The following DGCR2 variants were observed in gnomAD, a reference collection of about 807,000 sequenced individuals.
DGCR2 encodes the protein integral membrane protein DGCR2/IDD.
A neutral mutation model predicts 51.6 loss-of-function variants in DGCR2; 24 were observed. That is an observed-to-expected ratio of 0.47 (90% confidence interval 0.34 to 0.65). The LOEUF is 0.65. Among genes scored for constraint, DGCR2 ranks in the 30% least tolerant of loss-of-function variants. The pLI is 0.01. For missense variants in DGCR2, 765 were observed against 772.1 expected (o/e 0.99, Z 0.11); for synonymous variants, 340 against 315.4 (o/e 1.08, Z -0.82).
At position 19,122,196 on chromosome 22, in the gene DGCR2, T is replaced by C. The variant is rs773185885; in HGVS notation, c.11A>G (p.Lys4Arg). The C allele has an allele frequency of 6.6e-6, 10 of 1,507,410 alleles. No individual in the cohort carries two copies. Among genetic ancestry groups the C allele is most frequent in the Admixed American group, 2.2e-5 (1 of 46,242 alleles). The allele number at this position is 1,507,410 out of a possible 1,614,324, so 93.4% of individuals were successfully genotyped here. Reference protein sequence around the residue: MVPKADSGAFLLLF... With the variant: MVPRADSGAFLLLF... ...CAGCAGGAAGGCGCCGCTGTCTGCC[T>C]TGGGCACCATTTATCCTCCGTTCAT... is the stretch of plus-strand genomic sequence containing the variant. The change falls in exon 1 of 10, where the codon AAG becomes AGG. Residue 4 changes from lysine to arginine, a missense_variant. Lys to Arg is a conservative substitution (Grantham distance 26, BLOSUM62 2). Coordinates refer to ENST00000263196, the MANE Select transcript of DGCR2 (RefSeq NM_005137.3).
chr22:19,041,427 C>CT, intron 8 of DGCR2, 133 bp from the exon 9 acceptor site: 1 of 854,610 alleles, frequency 1.2e-6, no homozygotes, highest in Non-Finnish European at 1.8e-6. Context: ...CTGCCTACCC[C>CT]TCGGCCACAT....
At chr22:19,066,221 G>A (rs978336460) in intron 3 of DGCR2, among the ~76,000 whole-genome samples, 5 of 152,090 alleles carry the variant, frequency 3.3e-5, no homozygotes, top group East Asian at 1.9e-4. Context: ...GCAACATGGC[G>A]AAACCCCCTA....
chr22:19,094,808 T>A lies in DGCR2; in HGVS notation c.80-5318A>T, dbSNP rs1436156505. ...AATACTACTCAGCAATAAAAAGGAA[T>A]AAGCTATTAACACATTCCGCAGCAT... On this transcript the variant is annotated intron_variant, in intron 1 of 9. Transcript: ENST00000263196. Among the ~76,000 whole-genome samples, 6 of 152,348 alleles carry A rather than the reference T, an allele frequency of 3.9e-5. No homozygotes were observed. The East Asian group carries it at 1.2e-3, about 29-fold the overall frequency.
chr22:19,067,743 T>C (rs2082765592), intron 3 of DGCR2, among the ~76,000 whole-genome samples: 1 of 152,056 alleles, frequency 6.6e-6, no homozygotes. Flanking sequence ...GAGTCGAGCC[T>C]TCCCATTTTA....
chr22:19,093,378 A>T (rs1238349522), intron 1 of DGCR2, among the ~76,000 whole-genome samples: 3 of 141,270 alleles, frequency 2.1e-5, no homozygotes, highest in African/African-American at 8.3e-5. Context: ...AAAAAAAAAA[A>T]TCAAAATCGA....
chr22:19,066,694 G>C (rs974451023), intron 3 of DGCR2, among the ~76,000 whole-genome samples: 19 of 152,210 alleles, frequency 1.2e-4, no homozygotes, highest in African/African-American at 3.6e-4. Flanking sequence ...GACATCCCAG[G>C]ATGGGAGCCA....
At chr22:19,114,764 T>C (rs1317706636) in intron 1 of DGCR2, among the ~76,000 whole-genome samples, 1 of 152,138 alleles carries the variant, frequency 6.6e-6, no homozygotes, top group Non-Finnish European at 1.5e-5. Flanking sequence ...TCCACAACTA[T>C]GAACTCCTAA....
At position 19,057,247 on chromosome 22, in the gene DGCR2, C is replaced by G; in HGVS notation, c.626-85G>C. Reference sequence around the variant, plus strand: ...TCCTCAAGGGGACCATGGCGTCAGACAGGATCATCAACCACAGGGCCTGGA... The same window carrying G: ...TCCTCAAGGGGACCATGGCGTCAGAGAGGATCATCAACCACAGGGCCTGGA... On this transcript the variant is annotated intron_variant, in intron 5 of 9. Coordinates refer to ENST00000263196, the MANE Select transcript of DGCR2 (RefSeq NM_005137.3). The surrounding 1 kb of genome is among the most constrained non-coding windows in gnomAD (Gnocchi z 5.1). 7.2e-7 allele frequency: 1 copy of G among 1,383,454 alleles called. No individual in the cohort carries two copies. The highest frequency in any genetic ancestry group is 9.7e-7 in the Non-Finnish European group (1 of 1,031,838). The allele number at this position is 1,383,454 out of a possible 1,614,324, so 85.7% of individuals were successfully genotyped here.
chr22:19,067,521 G>A (rs190703127), intron 3 of DGCR2, among the ~76,000 whole-genome samples: 33 of 151,878 alleles, frequency 2.2e-4, no homozygotes, highest in African/African-American at 7.2e-4. Context: ...GGTGAAACCC[G>A]GTCTCTACTA....
chr22:19,087,300 T>C (rs73386988), intron 2 of DGCR2, among the ~76,000 whole-genome samples: 2,264 of 152,256 alleles, frequency 0.015, 27 homozygotes, highest in African/African-American at 0.017. Context: ...AAACCCTCAT[T>C]TGGAAAGGCA....
intron 3 of DGCR2, chr22:19,065,273 C>G: frequency 3.5e-6 from 2 of 579,476 alleles, no homozygotes; most frequent in Non-Finnish European, 3.1e-6. Flanking sequence ...GATACAAGTA[C>G]ATTCGGTGAC....
At chr22:19,099,217 T>A (rs184333759) in intron 1 of DGCR2, among the ~76,000 whole-genome samples, 96 of 152,288 alleles carry the variant, frequency 6.3e-4, no homozygotes, top group African/African-American at 2.2e-3. Flanking sequence ...AGAGCTTGCA[T>A]CCAGCACAGC....
At chr22:19,064,727 G>C in intron 4 of DGCR2, 121 bp downstream of exon 4, 1 of 964,246 alleles carries the variant, frequency 1.0e-6, no homozygotes, top group Non-Finnish European at 1.6e-6. Flanking sequence ...GGCGAGGCTG[G>C]TCTTCCCAAC....
chr22:19,122,242 G>A lies in DGCR2; in HGVS notation c.-36C>T. 6.9e-7 allele frequency: 1 copy of A among 1,441,678 alleles called. No individual in the cohort carries two copies. The highest frequency in any genetic ancestry group is 1.3e-5 in the South Asian group (1 of 75,264). The allele number at this position is 1,441,678 out of a possible 1,614,324, so 89.3% of individuals were successfully genotyped here. ...TTCATCGTCCCCGGGGCGGCTGGAA[G>A]GCCGGACCAGGCCGGACTGAGGGTC... On this transcript the variant is annotated 5_prime_UTR_variant, in exon 1 of 10. Coordinates refer to ENST00000263196, the MANE Select transcript of DGCR2 (RefSeq NM_005137.3).
At chr22:19,055,904 T>C (rs528832306) in intron 6 of DGCR2, 107 of 155,392 alleles carry the variant, frequency 6.9e-4, no homozygotes, top group African/African-American at 2.5e-3. Context: ...CTGCAGCTCC[T>C]TCCACTACAA....
chr22:19,115,167 T>A (rs1355182340), intron 1 of DGCR2, among the ~76,000 whole-genome samples: 2 of 152,156 alleles, frequency 1.3e-5, no homozygotes, highest in Non-Finnish European at 2.9e-5. Context: ...CCCTGCACTG[T>A]GCAAACAACC....
intron 1 of DGCR2, among the ~76,000 whole-genome samples, chr22:19,115,543 C>T (rs1159350237): frequency 6.6e-6 from 1 of 152,264 alleles, no homozygotes; most frequent in Non-Finnish European, 1.5e-5. Context: ...CCACCAGAGG[C>T]AGCTGCAAGG....
At chr22:19,087,241 C>T (rs1342723965) in intron 2 of DGCR2, among the ~76,000 whole-genome samples, 1 of 152,112 alleles carries the variant, frequency 6.6e-6, no homozygotes, top group Non-Finnish European at 1.5e-5. Flanking sequence ...CAGAGAGGCT[C>T]CCAGACAAAG....
chr22:19,095,059 A>G (rs1305493449), intron 1 of DGCR2, among the ~76,000 whole-genome samples: 2 of 152,212 alleles, frequency 1.3e-5, no homozygotes. Context: ...ACAGATTTAT[A>G]CATATATGAA....
Sources: gnomAD v4.1 joint callset for allele counts (sites outside exome capture counted in the v4.1 genomes callset) on GRCh38, gnomAD v4.1.1 for gene constraint, Gnocchi (gnomAD v3.1) non-coding constraint, MANE v1.5 for transcripts, NCBI Gene and HGNC (gene_info 2026-07-23, HGNC 2026-07-21) for gene names.